The following KHDC4 variants were observed in gnomAD, a reference collection of about 807,000 sequenced individuals.
KHDC4 encodes KH homology domain-containing protein 4.
In KHDC4, 19 loss-of-function variants were observed where a neutral mutation model predicts 74.5. The ratio of observed to expected loss-of-function variants is 0.26; its 90% CI spans 0.18 to 0.37. The LOEUF (loss-of-function observed/expected upper bound fraction) is 0.37, where lower values mean the gene tolerates loss of function less well. Ranked by LOEUF, KHDC4 falls within the 10% of genes least tolerant of loss-of-function variation. The pLI, the probability that KHDC4 is intolerant of heterozygous loss-of-function variation, is 1.00. For missense variants in KHDC4, 632 were observed against 754.1 expected (o/e 0.84, Z 1.90); for synonymous variants, 253 against 266.1 (o/e 0.95, Z 0.48).
chr1:155,925,517 A>C, intron 7 of KHDC4, 115 bp downstream of exon 7: 2 of 777,410 alleles, frequency 2.6e-6, no homozygotes, highest in Admixed American at 2.2e-5. Flanking sequence ...GCATTTATCT[A>C]AATCCCTCAT....
chr1:155,914,477 A>T, intron 13 of KHDC4, 157 bp from the exon 14 acceptor site: 1 of 613,548 alleles, frequency 1.6e-6, no homozygotes, highest in Non-Finnish European at 2.8e-6. Context: ...AACGTTGAAG[A>T]TCACACGAAA....
intron 8 of KHDC4, among the ~76,000 whole-genome samples, chr1:155,923,257 C>G (rs1441637370): frequency 6.6e-6 from 1 of 151,878 alleles, no homozygotes; most frequent in Non-Finnish European, 1.5e-5. Context: ...AATGCATAAT[C>G]AAATGAGCAA....
At chr1:155,916,776 A>T in intron 11 of KHDC4, 39 bp from the exon 12 acceptor site, 1 of 1,353,470 alleles carries the variant, frequency 7.4e-7, no homozygotes, top group Non-Finnish European at 1.1e-6. Context: ...GCAAATCTAC[A>T]ACTGCCGTAT....
chr1:155,921,245 G>T, intron 10 of KHDC4, 130 bp downstream of exon 10: 1 of 1,065,840 alleles, frequency 9.4e-7, no homozygotes. Flanking sequence ...GTTGGTGGTA[G>T]GAACACAGAA....
Position 155,929,746 on chromosome 1 carries a change from C to G in KHDC4, c.350G>C (p.Arg117Thr). The G allele has an allele frequency of 6.2e-7, 1 of 1,612,738 alleles. No individual in the cohort carries two copies. The highest frequency in any genetic ancestry group is 2.2e-5 in the East Asian group (1 of 44,708). Residue 117 changes from arginine (R) to threonine (T), a missense_variant, in exon 3 of 14, where the codon AGG (arginine) becomes ACG (threonine). This residue lies in a region of KHDC4 where 233 missense variants were observed against 342.6 expected (regional missense o/e 0.68). Coordinates refer to ENST00000368321, the MANE Select transcript of KHDC4 (RefSeq NM_014949.4). The part of the protein sequence containing the change: ...VEINDVPLTC[R>T]NLLTRGQTQD... Reference sequence around the variant, plus strand: ...AGTCTGTCCTCGAGTCAGCAAGTTCCTACATGTGAGAGGCACATCATTAAT... The same window carrying G: ...AGTCTGTCCTCGAGTCAGCAAGTTCGTACATGTGAGAGGCACATCATTAAT...
intron 1 of KHDC4, 115 bp downstream of exon 1, chr1:155,934,221 C>T (rs569483188): frequency 9.7e-6 from 11 of 1,131,274 alleles, no homozygotes; most frequent in Non-Finnish European, 1.4e-5. Context: ...CCCAAACGTC[C>T]AGCCCTTTAC....
At chr1:155,916,272 G>A (rs879553207) in intron 12 of KHDC4, among the ~76,000 whole-genome samples, 3 of 152,180 alleles carry the variant, frequency 2.0e-5, no homozygotes, top group Non-Finnish European at 4.4e-5. Flanking sequence ...CCACATTCAT[G>A]TACTTCCATC....
In KHDC4 at chr1:155,917,640, A is replaced by G; in HGVS notation, c.1299T>C (p.Ala433=). The G allele has an allele frequency of 2.5e-6, 4 of 1,590,910 alleles. 1 individual carries two copies. The South Asian group carries it at 4.5e-5, about 18-fold the overall frequency. ...SPMGGPFIPA[A]PVKTALPAGP... is the part of the protein sequence containing the mutation. ...CAGCAGGCAAGGCAGTTTTGACAGG[A>G]GCAGCAGGAATAAAAGGACCACCCA... The change falls in exon 11 of 14, where the codon GCT becomes GCC. Residue 433 remains alanine (A), a synonymous_variant. Transcript: ENST00000368321.
At chr1:155,927,832 C>CCACACACATA (rs1674044788) in intron 4 of KHDC4, among the ~76,000 whole-genome samples, 1 of 90,930 alleles carries the variant, frequency 1.1e-5, no homozygotes, top group African/African-American at 5.2e-5. Flanking sequence ...AAAAAAAAAA[C>CCACACACATA]CACACACACA....
In KHDC4 at chr1:155,913,807, G is replaced by T; in HGVS notation, c.*314C>A. 1 of 276,304 alleles carries T rather than the reference G, an allele frequency of 3.6e-6. No homozygotes were observed. The highest frequency in any genetic ancestry group is 6.9e-6 in the Non-Finnish European group (1 of 145,114). The allele number at this position is 276,304 out of a possible 1,614,324, so 17.1% of individuals were successfully genotyped here. ...AACTGGGGCTATTCACCTGGAAAAGGCTGACCAGGTCAAATGTGTATGGGA... is the reference window on the plus strand; with the variant it reads ...AACTGGGGCTATTCACCTGGAAAAGTCTGACCAGGTCAAATGTGTATGGGA... On this transcript the variant is annotated 3_prime_UTR_variant, in exon 14 of 14. Coordinates refer to ENST00000368321, the MANE Select transcript of KHDC4 (RefSeq NM_014949.4).
intron 10 of KHDC4, 144 bp from the exon 11 acceptor site, chr1:155,917,816 T>G (rs1673766167): frequency 1.4e-6 from 1 of 700,550 alleles, no homozygotes; most frequent in African/African-American, 1.8e-5. Context: ...CATGTATAAT[T>G]TGGTAACATT....
chr1:155,923,849 T>A (rs1006015409), intron 7 of KHDC4, among the ~76,000 whole-genome samples, 162 bp from the exon 8 acceptor site: 6 of 152,226 alleles, frequency 3.9e-5, no homozygotes, highest in Non-Finnish European at 7.3e-5. Context: ...AAAACATAAG[T>A]CTTTTAAGAT....
Position 155,921,600 on chromosome 1 carries a change from A to T in KHDC4, c.1041T>A (p.Ser347Arg). ...GATAATATGGTGGTTGAGGAGGGAC[A>T]CTACTTATAGCAGAGGGTTGTGTAT... ...PGYTQPSAIS[S>R]VPPQPPYYPS... Residue 347 changes from serine to arginine, a missense_variant, in exon 10 of 14, where the codon AGT becomes AGA. Coordinates refer to ENST00000368321, the MANE Select transcript of KHDC4 (RefSeq NM_014949.4). The T allele has an allele frequency of 6.8e-6, 11 of 1,614,132 alleles. No homozygotes were observed. The highest frequency in any genetic ancestry group is 9.3e-6 in the Non-Finnish European group (11 of 1,180,014).
In KHDC4 at chr1:155,921,907, T is replaced by C. The variant is rs1439061852; in HGVS notation, c.966A>G (p.Glu322=). The C allele has an allele frequency of 1.6e-5, 26 of 1,607,948 alleles. No individual in the cohort carries two copies. The highest frequency in any genetic ancestry group is 2.2e-5 in the Non-Finnish European group (26 of 1,175,162). The stretch of plus-strand genomic sequence containing the variant: ...TAATCTGATTCACAAATCTAGAGTA[T>C]TCAGCATGAACCTGAAAGAGAGGGG... ...CENLLQTVHA[E]YSRFVNQINT... Residue 322 remains glutamate (E), a synonymous_variant, in exon 9 of 14, where the codon GAA becomes GAG. Coordinates refer to ENST00000368321, the MANE Select transcript of KHDC4 (RefSeq NM_014949.4).
intron 13 of KHDC4, chr1:155,915,538 T>G: frequency 3.1e-6 from 1 of 320,098 alleles, no homozygotes; most frequent in South Asian, 1.4e-4. Flanking sequence ...GATGGAGTCT[T>G]GCTCTATTGC....
In KHDC4 at chr1:155,921,482, C is replaced by G. The variant is rs769096231; in HGVS notation, c.1159G>C (p.Ala387Pro). The G allele has an allele frequency of 3.7e-6, 6 of 1,614,078 alleles. No homozygotes were observed. Among genetic ancestry groups the G allele is most frequent in the South Asian group, 1.1e-5 (1 of 91,076 alleles). ...AAGACTCCAGGTGCTAATGAAACAG[C>G]TGGTGGCACTATGCTTGGTACTCCG... is the stretch of plus-strand genomic sequence containing the variant. ...PYGVPSIVPP[A>P]VSLAPGVLPA... Residue 387 changes from alanine (A) to proline (P), a missense_variant, in exon 10 of 14, where the codon GCT (alanine) becomes CCT (proline). Transcript: ENST00000368321.
chr1:155,914,226 A>T lies in KHDC4; in HGVS notation c.1740T>A (p.Gly580=). 6.2e-6 allele frequency: 10 copies of T among 1,613,950 alleles called. No homozygotes were observed. Among genetic ancestry groups the T allele is most frequent in the Non-Finnish European group, 8.5e-6 (10 of 1,179,924 alleles). The change falls in exon 14 of 14, where the codon GGT becomes GGA. Residue 580 remains glycine, a synonymous_variant. Transcript: ENST00000368321. ...GTGGAAAACTACTTGCATTTTTATG[A>T]CCTCCATGTTCCTCCTCTTCATCAG... ...DSSDEEEEHG[G]HKNASSFPQG...
rs1360810036 is a variant in KHDC4 at position 155,913,206 on chromosome 1, C to T, written c.*915G>A. ...TATTCCTGGTTCAGCAGACTAGCTC[C>T]TTCACTTTCACACATCAATATTTGA... On this transcript the variant is annotated 3_prime_UTR_variant, in exon 14 of 14. Coordinates refer to ENST00000368321, the MANE Select transcript of KHDC4 (RefSeq NM_014949.4). 6.5e-6 allele frequency: 1 copy of T among 152,766 alleles called. No individual in the cohort carries two copies. The highest frequency in any genetic ancestry group is 2.4e-5 in the African/African-American group (1 of 41,454). 9.5% of individuals were successfully genotyped at this position (152,766 alleles called of 1,614,324 possible).
chr1:155,914,585 G>C (rs983547268), intron 13 of KHDC4: 4 of 396,970 alleles, frequency 1.0e-5, no homozygotes, highest in Middle Eastern at 6.7e-4. Context: ...AAGAAAAAAA[G>C]GAAAGTTAGC....
Sources: allele counts gnomAD v4.1 joint callset (sites outside exome capture counted in the v4.1 genomes callset), GRCh38; gene constraint gnomAD v4.1.1; regional missense constraint gnomAD v4.1.1; transcripts MANE v1.5; gene names NCBI Gene and HGNC (gene_info 2026-07-23, HGNC 2026-07-21).